Variants in GNG7 observed in about 807,000 individuals in gnomAD.
The protein encoded by GNG7 is guanine nucleotide-binding protein G(I)/G(S)/G(O) subunit gamma-7.
Under a neutral mutation model 4.0 loss-of-function variants are expected in GNG7, and 1 was observed. The ratio of observed to expected loss-of-function variants is 0.25; its 90% CI spans 0.09 to 1.18. The LOEUF (loss-of-function observed/expected upper bound fraction) is 1.18, where lower values mean the gene tolerates loss of function less well. GNG7 is among the 50% of genes most tolerant of loss of function. GNG7 has a pLI of 0.50. For missense variants in GNG7, 86 were observed against 91.9 expected (o/e 0.94, Z 0.26); for synonymous variants, 34 against 36.9 (o/e 0.92, Z 0.29).
intron 2 of GNG7, among the ~76,000 whole-genome samples, chr19:2,573,314 CGCCTG>C (rs1980207778): frequency 6.6e-6 from 1 of 152,024 alleles, no homozygotes; most frequent in Non-Finnish European, 1.5e-5. Context: ...TGAGCCCCCA[CGCCTG>C]GCCTGGCTTC....
intron 3 of GNG7, among the ~76,000 whole-genome samples, chr19:2,537,307 G>A (rs1242626656): frequency 6.6e-6 from 1 of 152,032 alleles, no homozygotes; most frequent in African/African-American, 2.4e-5. Flanking sequence ...GTGCAGTGGT[G>A]CAATCATAGC....
intron 2 of GNG7, among the ~76,000 whole-genome samples, chr19:2,585,236 C>T (rs1453110064): frequency 2.6e-5 from 4 of 152,118 alleles, no homozygotes; most frequent in African/African-American, 4.8e-5. Flanking sequence ...AATTAATATG[C>T]ATACATGCAC....
At chr19:2,658,271 A>C (rs1983047953) in intron 1 of GNG7, among the ~76,000 whole-genome samples, 1 of 151,764 alleles carries the variant, frequency 6.6e-6, no homozygotes, top group Admixed American at 6.6e-5. Context: ...GGGTCTGCAA[A>C]TTTTTTCTGC....
chr19:2,695,795 C>T (rs1286615483), intron 1 of GNG7, among the ~76,000 whole-genome samples: 2 of 152,148 alleles, frequency 1.3e-5, no homozygotes, highest in African/African-American at 4.8e-5. Flanking sequence ...GCTGATTCGT[C>T]ACCTCGGAGT....
At chr19:2,687,632 A>C (rs1444991905) in intron 1 of GNG7, among the ~76,000 whole-genome samples, 1 of 151,690 alleles carries the variant, frequency 6.6e-6, no homozygotes, top group East Asian at 2.0e-4. Context: ...ACAAACAAAC[A>C]AAAAAAAGTG....
rs1436763884 is a variant in GNG7, at chr19:2,512,315, A to G, written c.*2707T>C. 2.0e-6 allele frequency: 2 copies of G among 985,830 alleles called. No homozygotes were observed. The highest frequency in any genetic ancestry group is 5.2e-4 in the Middle Eastern group (1 of 1,914). The allele number at this position is 985,830 out of a possible 1,614,324, so 61.1% of individuals were successfully genotyped here. A position where few individuals can be genotyped will look rare whatever the true frequency, so the allele number is the denominator to read the frequency against. Reference sequence around the variant, plus strand: ...GTGCACTCGGGTGCCACGTCTGCAAAGGTATTTTCCACAGTGTGGTCACTG... The same window carrying G: ...GTGCACTCGGGTGCCACGTCTGCAAGGGTATTTTCCACAGTGTGGTCACTG... On this transcript the variant is annotated 3_prime_UTR_variant, in exon 5 of 5. Transcript: ENST00000382159. This position sits in a 1 kb window ranked among gnomAD's most constrained non-coding sequence, Gnocchi z 4.7.
At position 2,633,389 on chromosome 19, in the gene GNG7, G is replaced by A. The variant is rs532330139; in HGVS notation, c.-78+12835C>T. Among the ~76,000 whole-genome samples the A allele has an allele frequency of 3.3e-4, 50 of 152,158 alleles. No homozygotes were observed. Among genetic ancestry groups the A allele is most frequent in the South Asian group, 6.2e-4 (3 of 4,826 alleles). ...TTTGAGTCAAAGGCGGCCAAGGCTC[G>A]ATGAATCTGCCGATGACCAAGTTGG... On this transcript the variant is annotated intron_variant, in intron 2 of 4. Coordinates refer to ENST00000382159, the MANE Select transcript of GNG7 (RefSeq NM_052847.3). The surrounding 1 kb of genome is among the most constrained non-coding windows in gnomAD (Gnocchi z 5.9).
intron 2 of GNG7, among the ~76,000 whole-genome samples, chr19:2,600,662 G>C (rs1981172305): frequency 6.6e-6 from 1 of 151,568 alleles, no homozygotes; most frequent in Non-Finnish European, 1.5e-5. Flanking sequence ...TTTTAGTAGA[G>C]ACAGGGTTTC....
chr19:2,654,039 G>A (rs1374906481), intron 1 of GNG7, among the ~76,000 whole-genome samples: 7 of 152,154 alleles, frequency 4.6e-5, no homozygotes, highest in Admixed American at 4.6e-4. Context: ...TCAGACCCTC[G>A]CTGTGGCGGG....
At chr19:2,681,613 C>T (rs1983738047) in intron 1 of GNG7, among the ~76,000 whole-genome samples, 1 of 152,142 alleles carries the variant, frequency 6.6e-6, no homozygotes, top group Non-Finnish European at 1.5e-5. Flanking sequence ...GCTTTCACTT[C>T]CCTTAGGTGT....
At chr19:2,548,223 A>C (rs1368359492) in intron 3 of GNG7, among the ~76,000 whole-genome samples, 1 of 152,172 alleles carries the variant, frequency 6.6e-6, no homozygotes, top group Admixed American at 6.5e-5. Flanking sequence ...TCACGCCTGT[A>C]ATCCCAGCAC....
intron 2 of GNG7, among the ~76,000 whole-genome samples, chr19:2,598,572 G>C (rs1981100080): frequency 6.6e-6 from 1 of 151,868 alleles, no homozygotes; most frequent in Non-Finnish European, 1.5e-5. Flanking sequence ...CAGGAGAATG[G>C]TGTGAACCCA....
chr19:2,683,234 G>A lies in GNG7; in HGVS notation c.-135+19412C>T, dbSNP rs950459084. ...AGCCTGGGCGACAGAGAAAGACTCC[G>A]TCTCAAAAAAAAAAAATAGAGATGG... On this transcript the variant is annotated intron_variant, in intron 1 of 4. Transcript: ENST00000382159. Among the ~76,000 whole-genome samples the A allele has an allele frequency of 9.0e-5, 12 of 133,284 alleles. 2 individuals are homozygous for A. Among genetic ancestry groups the A allele is most frequent in the East Asian group, 2.6e-4 (1 of 3,914 alleles). The allele number at this position is 133,284 out of a possible 152,430, so 87.4% of individuals were successfully genotyped here.
chr19:2,647,083 C>T (rs559153120), intron 1 of GNG7, among the ~76,000 whole-genome samples: 1 of 152,334 alleles, frequency 6.6e-6, no homozygotes, highest in Admixed American at 6.5e-5. Flanking sequence ...ACCAGGAACT[C>T]CCCACCTCGG....
chr19:2,512,765 G>T lies in GNG7; in HGVS notation c.*2257C>A. On this transcript the variant is annotated 3_prime_UTR_variant, in exon 5 of 5. Transcript: ENST00000382159. This position sits in a 1 kb window ranked among gnomAD's most constrained non-coding sequence, Gnocchi z 4.7. ...GCCTCTTTTAAGGAAAAACGGGGTG[G>T]GGTGTGTTTGTTCCCAGTTACCAAG... is the stretch of plus-strand genomic sequence containing the variant. 1 of 360,002 alleles carries T rather than the reference G, an allele frequency of 2.8e-6. No homozygotes were observed. Among genetic ancestry groups the T allele is most frequent in the South Asian group, 1.1e-4 (1 of 8,980 alleles). The allele number at this position is 360,002 out of a possible 1,614,324, so 22.3% of individuals were successfully genotyped here.
intron 3 of GNG7, among the ~76,000 whole-genome samples, chr19:2,540,280 A>T (rs1978915470): frequency 6.6e-6 from 1 of 151,836 alleles, no homozygotes; most frequent in African/African-American, 2.4e-5. Context: ...CCTCCCAAGT[A>T]GCTGGGACCA....
intron 2 of GNG7, among the ~76,000 whole-genome samples, chr19:2,603,776 G>T (rs1465847071): frequency 6.6e-6 from 1 of 152,130 alleles, no homozygotes. Context: ...TTCAGAGATT[G>T]TGTCACCTAG....
chr19:2,548,748 C>T (rs1979214949), intron 3 of GNG7, among the ~76,000 whole-genome samples: 1 of 151,808 alleles, frequency 6.6e-6, no homozygotes, highest in South Asian at 2.1e-4. Flanking sequence ...AAGATCGTGC[C>T]ACTACACTCC....
intron 3 of GNG7, among the ~76,000 whole-genome samples, chr19:2,547,074 G>GCCC (rs796758760): frequency 7.5e-4 from 107 of 142,894 alleles, no homozygotes; most frequent in African/African-American, 2.7e-3. Context: ...CTCCACGCAT[G>GCCC]CCCCCCCCCC....
Sources: allele counts gnomAD v4.1 joint callset (sites outside exome capture counted in the v4.1 genomes callset), GRCh38; gene constraint gnomAD v4.1.1; non-coding constraint Gnocchi (gnomAD v3.1); transcripts MANE v1.5; gene names NCBI Gene and HGNC (gene_info 2026-07-23, HGNC 2026-07-21).